Variants in PLCB4 observed in about 807,000 individuals in gnomAD.
PLCB4 encodes the protein phospholipase C beta 4, also known as 1-phosphatidylinositol 4,5-bisphosphate phosphodiesterase beta-4.
Under a neutral mutation model 178.8 loss-of-function variants are expected in PLCB4, and 77 were observed. The observed-to-expected ratio is 0.43, with a 90% confidence interval of 0.36 to 0.52. The LOEUF (loss-of-function observed/expected upper bound fraction) is 0.52. Ranked by LOEUF, PLCB4 falls within the 20% of genes least tolerant of loss-of-function variation. The pLI is 0.00. For synonymous variants in PLCB4, 496 were observed against 490.8 expected (o/e 1.01, Z -0.14); for missense variants, 1,024 against 1,453.4 (o/e 0.70, Z 4.80).
chr20:9,165,909 A>C (rs1451623168), intron 2 of PLCB4, among the ~76,000 whole-genome samples: 1 of 151,932 alleles, frequency 6.6e-6, no homozygotes, highest in Non-Finnish European at 1.5e-5. Flanking sequence ...ACATTTTACT[A>C]TCTGTGCAAG....
chr20:9,190,848 G>T (rs2093393335), intron 2 of PLCB4, among the ~76,000 whole-genome samples: 1 of 152,202 alleles, frequency 6.6e-6, no homozygotes. Context: ...AGAGGACCCT[G>T]AAGCTCATGG....
intron 3 of PLCB4, among the ~76,000 whole-genome samples, chr20:9,226,324 C>T (rs2093865215): frequency 6.6e-6 from 1 of 152,148 alleles, no homozygotes; most frequent in African/African-American, 2.4e-5. Flanking sequence ...GATGCCGTTA[C>T]ATTTTTGCAT....
At chr20:9,190,747 T>C (rs1050256811) in intron 2 of PLCB4, among the ~76,000 whole-genome samples, 6 of 152,240 alleles carry the variant, frequency 3.9e-5, no homozygotes, top group South Asian at 2.1e-4. Context: ...GAGAGCTTGG[T>C]TTGAACATTT....
At position 9,421,280 on chromosome 20, in the gene PLCB4, C is replaced by T. The variant is rs368145464; in HGVS notation, c.2155-17C>T. On this transcript the variant is annotated splice_polypyrimidine_tract_variant and intron_variant, in intron 26 of 39. Transcript: ENST00000378473. ...CACAGAGCTTACTTCTCTTTGCTCT[C>T]GTTCGTGCTGCTACAGGTTATATCA... The T allele has an allele frequency of 1.7e-4, 269 of 1,594,844 alleles. No homozygotes were observed. The highest frequency in any genetic ancestry group is 7.0e-4 in the Middle Eastern group (4 of 5,750).
intron 25 of PLCB4, among the ~76,000 whole-genome samples, chr20:9,415,642 G>C (rs1017698050): frequency 1.3e-5 from 2 of 152,238 alleles, no homozygotes; most frequent in South Asian, 2.1e-4. Flanking sequence ...TGTGCCTACC[G>C]CACAGACCTA....
At chr20:9,297,046 G>T (rs2094645147) in intron 3 of PLCB4, among the ~76,000 whole-genome samples, 1 of 151,794 alleles carries the variant, frequency 6.6e-6, no homozygotes, top group Admixed American at 6.6e-5. Flanking sequence ...TTACTCTGGA[G>T]CATATTTATA....
intron 32 of PLCB4, among the ~76,000 whole-genome samples, chr20:9,452,978 G>A (rs756697338): frequency 6.6e-6 from 1 of 152,228 alleles, no homozygotes; most frequent in African/African-American, 2.4e-5. Context: ...CCAATGTGTG[G>A]AAGGGGCAGT....
chr20:9,212,113 C>G (rs749550461), intron 2 of PLCB4, among the ~76,000 whole-genome samples: 1 of 152,132 alleles, frequency 6.6e-6, no homozygotes, highest in Non-Finnish European at 1.5e-5. Context: ...TTAGCCAATG[C>G]GATACAACAG....
chr20:9,212,540 C>A (rs572671414), intron 2 of PLCB4, among the ~76,000 whole-genome samples: 1 of 152,280 alleles, frequency 6.6e-6, no homozygotes, highest in African/African-American at 2.4e-5. Flanking sequence ...GGCTAAAGTT[C>A]CCCATTGCTT....
intron 4 of PLCB4, among the ~76,000 whole-genome samples, chr20:9,333,600 G>A (rs1170679457): frequency 3.3e-5 from 5 of 152,154 alleles, no homozygotes; most frequent in Non-Finnish European, 7.3e-5. Context: ...TCCTAAATAT[G>A]ATAGGAATCC....
At chr20:9,331,451 G>A (rs185372798) in intron 4 of PLCB4, among the ~76,000 whole-genome samples, 3 of 147,846 alleles carry the variant, frequency 2.0e-5, no homozygotes, top group East Asian at 1.9e-4. Context: ...AAGTGATGGC[G>A]AGAGAGAGGG....
At chr20:9,181,498 T>C (rs1197223572) in intron 2 of PLCB4, among the ~76,000 whole-genome samples, 2 of 152,154 alleles carry the variant, frequency 1.3e-5, no homozygotes, top group Non-Finnish European at 2.9e-5. Context: ...AGCCATTTCT[T>C]ACCGTTGTGG....
chr20:9,463,933 T>A (rs1025777386), intron 35 of PLCB4, among the ~76,000 whole-genome samples: 1 of 152,164 alleles, frequency 6.6e-6, no homozygotes, highest in African/African-American at 2.4e-5. Flanking sequence ...GCAGACCTAA[T>A]AGACATCTAC....
intron 2 of PLCB4, among the ~76,000 whole-genome samples, chr20:9,161,321 G>A (rs376522175): frequency 6.6e-6 from 1 of 152,186 alleles, no homozygotes; most frequent in African/African-American, 2.4e-5. Flanking sequence ...ATCCTAAGTG[G>A]TTCATGGTTT....
chr20:9,287,181 C>G (rs2094543274), intron 3 of PLCB4, among the ~76,000 whole-genome samples: 1 of 152,046 alleles, frequency 6.6e-6, no homozygotes, highest in Non-Finnish European at 1.5e-5. Context: ...AACTTTATAC[C>G]TTTTCTGGAA....
intron 3 of PLCB4, among the ~76,000 whole-genome samples, chr20:9,260,548 T>C (rs545580529): frequency 6.6e-6 from 1 of 152,246 alleles, no homozygotes; most frequent in South Asian, 2.1e-4. Context: ...TTTAAAAGCA[T>C]GTATGTTTAT....
chr20:9,249,779 C>T lies in PLCB4; in HGVS notation c.-16+32327C>T, dbSNP rs138167370. On this transcript the variant is annotated intron_variant, in intron 3 of 39. Transcript: ENST00000378473. The stretch of plus-strand genomic sequence containing the variant: ...AGGTGTTAGGGAAACACTATCTCAA[C>T]GTGCTATTATTCACGTGCATGCTTT... 4.5e-4 allele frequency among the ~76,000 whole-genome samples: 68 copies of T among 152,280 alleles called. 1 individual carries two copies. The highest frequency in any genetic ancestry group is 1.3e-3 in the African/African-American group (53 of 41,558).
At chr20:9,361,316 G>A (rs551290902) in intron 7 of PLCB4, among the ~76,000 whole-genome samples, 6 of 152,158 alleles carry the variant, frequency 3.9e-5, no homozygotes, top group East Asian at 1.9e-4. Context: ...AAGAAATTCC[G>A]ACACATGGTA....
intron 7 of PLCB4, among the ~76,000 whole-genome samples, chr20:9,354,464 A>G (rs1158578746): frequency 6.6e-6 from 1 of 152,164 alleles, no homozygotes; most frequent in African/African-American, 2.4e-5. Flanking sequence ...TTTCTACATG[A>G]TAGACACCTG....
Sources: allele counts gnomAD v4.1 joint callset (sites outside exome capture counted in the v4.1 genomes callset), GRCh38; gene constraint gnomAD v4.1.1; transcripts MANE v1.5; gene names NCBI Gene and HGNC (gene_info 2026-07-23, HGNC 2026-07-21).